ERC1: variants seen among roughly 807,000 people sequenced by gnomAD.
ERC1 encodes the protein RAB6 interacting protein 2.
In ERC1, 56 loss-of-function variants were observed where a neutral mutation model predicts 132.0. The ratio of observed to expected loss-of-function variants is 0.42; its 90% CI spans 0.34 to 0.53. The LOEUF (loss-of-function observed/expected upper bound fraction) is 0.53. ERC1 is among the 20% of genes least tolerant of loss of function. The probability of loss-of-function intolerance (pLI) is 0.03; values close to 1 mark genes in which losing one functional copy is unlikely to be tolerated. For synonymous variants in ERC1, 478 were observed against 476.1 expected, an observed-to-expected ratio of 1.00 and a Z score of -0.05; for missense variants, 1,202 against 1,349.9, an observed-to-expected ratio of 0.89 and a Z score of 1.72.
chr12:1,410,164 A>G (rs1413355145), intron 17 of ERC1, among the ~76,000 whole-genome samples: 1 of 152,158 alleles, frequency 6.6e-6, no homozygotes, highest in African/African-American at 2.4e-5. Flanking sequence ...ATATGTATAT[A>G]TTTCATCCAC....
chr12:1,431,929 C>T (rs2092808277), intron 17 of ERC1, among the ~76,000 whole-genome samples: 1 of 152,164 alleles, frequency 6.6e-6, no homozygotes, highest in Non-Finnish European at 1.5e-5. Context: ...ACAGGGAGTG[C>T]AGTGGTGCAA....
chr12:1,482,433 G>C (rs7300682), intron 18 of ERC1, among the ~76,000 whole-genome samples: 58,359 of 151,688 alleles, frequency 0.38, 12,816 homozygotes, highest in African/African-American at 0.61. Context: ...TTTTTAAAGA[G>C]TTTTTTTGTT....
chr12:1,256,589 G>T lies in ERC1; in HGVS notation c.2488-6445G>T, dbSNP rs759334306. The stretch of plus-strand genomic sequence containing the variant: ...CCTATCACTGAGTATTCTTGGTGTT[G>T]AACTATTTATGAATACGTTGGATTA... On this transcript the variant is annotated intron_variant, in intron 13 of 18. Transcript: ENST00000360905. 1.3e-4 allele frequency among the ~76,000 whole-genome samples: 20 copies of T among 150,416 alleles called. 2 individuals carry two copies. The highest frequency in any genetic ancestry group is 2.4e-4 in the Non-Finnish European group (16 of 67,806).
intron 16 of ERC1, among the ~76,000 whole-genome samples, chr12:1,397,224 C>T (rs747002864): frequency 6.6e-6 from 1 of 152,210 alleles, no homozygotes; most frequent in Non-Finnish European, 1.5e-5. Context: ...AAAATGTAGA[C>T]CTCTTATAGA....
chr12:1,303,023 T>A (rs2154345902), intron 15 of ERC1, among the ~76,000 whole-genome samples: 1 of 152,240 alleles, frequency 6.6e-6, no homozygotes, highest in South Asian at 2.1e-4. Context: ...TAGCGTTGTG[T>A]CTTAAAAAAT....
At chr12:1,450,108 G>A (rs1042102513) in intron 18 of ERC1, among the ~76,000 whole-genome samples, 6 of 152,048 alleles carry the variant, frequency 3.9e-5, no homozygotes, top group African/African-American at 1.4e-4. Context: ...TATTATAAAA[G>A]CCATAGTACA....
At chr12:1,408,592 G>T (rs371299598) in intron 17 of ERC1, among the ~76,000 whole-genome samples, 2 of 152,238 alleles carry the variant, frequency 1.3e-5, no homozygotes, top group South Asian at 4.2e-4. Context: ...AAGAAATAGT[G>T]CCTTATTAGA....
At chr12:1,395,698 T>C (rs192549319) in intron 16 of ERC1, among the ~76,000 whole-genome samples, 43 of 152,244 alleles carry the variant, frequency 2.8e-4, no homozygotes, top group Middle Eastern at 3.4e-3. Context: ...AGGAATCCCA[T>C]GCAAGCGTTT....
intron 7 of ERC1, among the ~76,000 whole-genome samples, chr12:1,123,733 G>A (rs113497884): frequency 0.014 from 2,097 of 152,298 alleles, 52 homozygotes; most frequent in African/African-American, 0.045. Context: ...GGCAGCCCAC[G>A]CCTGTAATCC....
chr12:1,063,141 C>G (rs184274449), intron 2 of ERC1, among the ~76,000 whole-genome samples: 1 of 152,194 alleles, frequency 6.6e-6, no homozygotes, highest in Admixed American at 6.5e-5. Context: ...GATCTTGGCT[C>G]ACTGCAATCT....
At chr12:1,187,557 G>A (rs543557471) in intron 11 of ERC1, among the ~76,000 whole-genome samples, 39 of 152,088 alleles carry the variant, frequency 2.6e-4, no homozygotes, top group African/African-American at 9.4e-4. Context: ...GTGAACCACT[G>A]CACCTGGCCT....
chr12:1,246,387 A>T (rs1239771867), intron 13 of ERC1, among the ~76,000 whole-genome samples: 1 of 152,234 alleles, frequency 6.6e-6, no homozygotes, highest in Non-Finnish European at 1.5e-5. Context: ...CCATGAGTTT[A>T]TGCTGATATA....
chr12:1,427,321 G>T (rs1233064341), intron 17 of ERC1, among the ~76,000 whole-genome samples: 1 of 152,190 alleles, frequency 6.6e-6, no homozygotes, highest in Non-Finnish European at 1.5e-5. Flanking sequence ...ACATGAGGAA[G>T]TTGGATTGGA....
At chr12:1,055,764 T>C (rs1281910817) in intron 2 of ERC1, among the ~76,000 whole-genome samples, 3 of 152,234 alleles carry the variant, frequency 2.0e-5, no homozygotes, top group Admixed American at 2.0e-4. Context: ...GATTTTATTA[T>C]TTGTTTCCTT....
At chr12:1,179,461 C>A (rs1954111499) in intron 8 of ERC1, among the ~76,000 whole-genome samples, 1 of 150,834 alleles carries the variant, frequency 6.6e-6, no homozygotes, top group African/African-American at 2.4e-5. Flanking sequence ...CATTTTCTTA[C>A]CATCTCATGG....
rs1392269300 is a variant in ERC1 at position 1,122,439 on chromosome 12, GTCTCTA to G, written c.1569+6434_1569+6439del. ...TATCTCTATCTCTATCTCTATCTGT[GTCTCTA>G]TCTCTATCTCTATCTCTATCTCTAT... On this transcript the variant is annotated intron_variant, in intron 7 of 18. Transcript: ENST00000360905. Among the ~76,000 whole-genome samples the G allele has an allele frequency of 7.3e-3, 7 of 964 alleles. 2 individuals carry two copies. Among genetic ancestry groups the G allele is most frequent in the African/African-American group, 0.016 (6 of 380 alleles). The allele number at this position is 964 out of a possible 152,430, so 0.6% of individuals were successfully genotyped here.
chr12:1,158,108 C>T (rs765317229), intron 8 of ERC1, among the ~76,000 whole-genome samples: 71 of 152,298 alleles, frequency 4.7e-4, no homozygotes, highest in Middle Eastern at 6.8e-3. Context: ...CTGTGATTAT[C>T]TGTTACTTTA....
intron 13 of ERC1, among the ~76,000 whole-genome samples, chr12:1,253,490 A>C (rs1422207979): frequency 6.6e-6 from 1 of 152,168 alleles, no homozygotes; most frequent in Non-Finnish European, 1.5e-5. Flanking sequence ...TAGCCTGACC[A>C]ACATGTAGAA....
rs1432848980 is a variant in ERC1 at position 991,247 on chromosome 12, C to CGGCGGCGGCGGCGGTAGT, written c.-216_-199dup. The CGGCGGCGGCGGCGGTAGT allele has an allele frequency of 0.23, 36,919 of 158,178 alleles. 6,183 individuals are homozygous for CGGCGGCGGCGGCGGTAGT. Among genetic ancestry groups the CGGCGGCGGCGGCGGTAGT allele is most frequent in the African/African-American group, 0.49 (19,536 of 39,676 alleles). The allele number at this position is 158,178 out of a possible 1,614,324, so 9.8% of individuals were successfully genotyped here. On this transcript the variant is annotated 5_prime_UTR_variant, in exon 1 of 19. Transcript: ENST00000360905. ...CGCGGGCGCCTGGGCCGTGCTGTGG[C>CGGCGGCGGCGGCGGTAGT]GGCGGCGGCGGCGGTAGTGGCGGCG... is the stretch of plus-strand genomic sequence containing the variant.
Sources: allele counts gnomAD v4.1 joint callset (sites outside exome capture counted in the v4.1 genomes callset), GRCh38; gene constraint gnomAD v4.1.1; transcripts MANE v1.5; gene names NCBI Gene and HGNC (gene_info 2026-07-23, HGNC 2026-07-21).